STXBP4: variants seen among roughly 807,000 people sequenced by gnomAD.
STXBP4 encodes syntaxin binding protein 4, also known as syntaxin-binding protein 4.
In STXBP4, 55 loss-of-function variants were observed where a neutral mutation model predicts 76.1. That is an observed-to-expected ratio of 0.72 (90% confidence interval 0.58 to 0.91). STXBP4 has a LOEUF of 0.91. STXBP4 is among the 40% of genes least tolerant of loss of function. The pLI, the probability that STXBP4 is intolerant of heterozygous loss-of-function variation, is 0.00. For missense variants in STXBP4, 618 were observed against 636.9 expected (o/e 0.97, Z 0.32); for synonymous variants, 201 against 220.2 (o/e 0.91, Z 0.77).
At chr17:55,003,062 C>T (rs1436829305) in intron 7 of STXBP4, among the ~76,000 whole-genome samples, 1 of 152,054 alleles carries the variant, frequency 6.6e-6, no homozygotes, top group Non-Finnish European at 1.5e-5. Flanking sequence ...AGAAAAATTT[C>T]TTGGCAAAAG....
chr17:55,025,464 TAATAA>T (rs1339968046), intron 8 of STXBP4, among the ~76,000 whole-genome samples: 2 of 152,190 alleles, frequency 1.3e-5, no homozygotes, highest in African/African-American at 4.8e-5. Flanking sequence ...AATACCATGT[TAATAA>T]AATAAAGGAC....
intron 16 of STXBP4, among the ~76,000 whole-genome samples, chr17:55,092,849 G>C (rs2079433319): frequency 6.6e-6 from 1 of 152,144 alleles, no homozygotes; most frequent in Non-Finnish European, 1.5e-5. Context: ...GCTTAGACTT[G>C]ATATGGCGTC....
rs4048521 is a variant in STXBP4, at chr17:55,066,195, GTTGTTTTGTTTTGTT to G, written c.1012-6673_1012-6659del. Among the ~76,000 whole-genome samples the G allele has an allele frequency of 5.6e-3, 829 of 149,082 alleles. 6 individuals are homozygous for G. Among genetic ancestry groups the G allele is most frequent in the Middle Eastern group, 0.017 (5 of 294 alleles). On this transcript the variant is annotated intron_variant, in intron 12 of 17. Transcript: ENST00000376352. The stretch of plus-strand genomic sequence containing the variant: ...CTCATGATGGAAAATTGTGGGTTTT[GTTGTTTTGTTTTGTT>G]TTGTTTTGTTTTGTTTTGTTTTGTT...
the STXBP4 span, among the ~76,000 whole-genome samples, chr17:55,212,952 G>C: frequency 6.6e-6 from 1 of 152,136 alleles, no homozygotes; most frequent in Non-Finnish European, 1.5e-5. Context: ...CCCTAAGGAA[G>C]AGTGTAGGAT....
chr17:55,102,439 C>A (rs1277136221), intron 16 of STXBP4, among the ~76,000 whole-genome samples: 1 of 152,154 alleles, frequency 6.6e-6, no homozygotes. Flanking sequence ...ATCCATGTCT[C>A]AGCAAAGGGC....
Position 55,000,837 on chromosome 17 carries a change from G to A in STXBP4, c.528G>A (p.Gln176=), listed in dbSNP as rs556463389. Residue 176 remains glutamine, a synonymous_variant, in exon 7 of 18, where the codon CAG becomes CAA. Coordinates refer to ENST00000376352, the MANE Select transcript of STXBP4 (RefSeq NM_178509.6). ...EIKTGYNKTV[Q]IPITSENSTV... is the part of the protein sequence containing the mutation. ...AAACTGGATACAACAAAACAGTACA[G>A]ATTCCAATTACTTCAGAAAACAGTA... is the stretch of plus-strand genomic sequence containing the variant. 2 of 1,610,830 alleles carry A rather than the reference G, an allele frequency of 1.2e-6. No individual in the cohort carries two copies. Among genetic ancestry groups the A allele is most frequent in the East Asian group, 4.5e-5 (2 of 44,714 alleles).
At chr17:55,206,185 T>A in the STXBP4 span, among the ~76,000 whole-genome samples, 1 of 152,128 alleles carries the variant, frequency 6.6e-6, no homozygotes, top group Admixed American at 6.6e-5. Context: ...TTGTGAATTA[T>A]TACATATATA....
rs576172853 is a variant in STXBP4, at chr17:55,125,059, T to A, written c.1490-16251T>A. ...GGGGTGAGAGCTTTACCATAAGAAT[T>A]TTTAGAGGACAGAAACATTCAGTTT... On this transcript the variant is annotated intron_variant, in intron 16 of 17. Transcript: ENST00000376352. Among the ~76,000 whole-genome samples the A allele has an allele frequency of 3.9e-5, 6 of 152,282 alleles. No individual in the cohort carries two copies. The South Asian group carries it at 1.0e-3, about 26-fold the overall frequency.
rs551897479 is a variant in STXBP4, at chr17:55,009,741, G to T, written c.666+2144G>T. 5.3e-5 allele frequency among the ~76,000 whole-genome samples: 8 copies of T among 151,754 alleles called. No individual in the cohort carries two copies. In the South Asian group the frequency reaches 1.7e-3, roughly 32 times the overall value. On this transcript the variant is annotated intron_variant, in intron 8 of 17. Coordinates refer to ENST00000376352, the MANE Select transcript of STXBP4 (RefSeq NM_178509.6). ...TTTAGTAGAGCATTCTTTTTTTTCA[G>T]TTTGAAACTATATTTCTCTTAATAA... is the stretch of plus-strand genomic sequence containing the variant.
At chr17:55,191,826 C>G in the STXBP4 span, among the ~76,000 whole-genome samples, 1 of 152,158 alleles carries the variant, frequency 6.6e-6, no homozygotes, top group African/African-American at 2.4e-5. Context: ...AGCTTAAGAG[C>G]TCAGTCAAAC....
chr17:54,983,993 T>C (rs965759445), intron 1 of STXBP4, among the ~76,000 whole-genome samples: 22 of 152,342 alleles, frequency 1.4e-4, no homozygotes, highest in Middle Eastern at 3.4e-3. Flanking sequence ...GGACTTTTGC[T>C]ACTGACATTG....
At chr17:55,031,130 T>C in intron 8 of STXBP4, 38 bp from the exon 9 acceptor site, 1 of 1,491,496 alleles carries the variant, frequency 6.7e-7, no homozygotes, top group Non-Finnish European at 9.3e-7. Context: ...TCTTTGGAGA[T>C]TTGAAAAATT....
At chr17:55,001,737 A>G (rs976728928) in intron 7 of STXBP4, among the ~76,000 whole-genome samples, 1 of 152,100 alleles carries the variant, frequency 6.6e-6, no homozygotes, top group Non-Finnish European at 1.5e-5. Flanking sequence ...GGTTCACGCC[A>G]TTCTCCTGCC....
At chr17:55,042,926 A>G (rs866808271) in intron 10 of STXBP4, among the ~76,000 whole-genome samples, 1 of 152,164 alleles carries the variant, frequency 6.6e-6, no homozygotes, top group Non-Finnish European at 1.5e-5. Context: ...GTAATTCCTG[A>G]AGTCTTTTTG....
At chr17:55,139,023 G>T (rs540005748) in intron 16 of STXBP4, among the ~76,000 whole-genome samples, 1 of 152,116 alleles carries the variant, frequency 6.6e-6, no homozygotes, top group Non-Finnish European at 1.5e-5. Context: ...TATTTTCTCA[G>T]AACAGAGAAC....
intron 12 of STXBP4, among the ~76,000 whole-genome samples, chr17:55,061,770 A>G (rs930281243): frequency 1.3e-5 from 2 of 152,212 alleles, no homozygotes; most frequent in Non-Finnish European, 2.9e-5. Flanking sequence ...TTACTCAGCA[A>G]TAATTCCCTT....
At chr17:55,112,498 A>G (rs532474494) in intron 16 of STXBP4, among the ~76,000 whole-genome samples, 58 of 152,314 alleles carry the variant, frequency 3.8e-4, no homozygotes, top group Middle Eastern at 3.4e-3. Context: ...AAGAGAAACA[A>G]TGATGAAGAG....
At chr17:55,096,603 T>C (rs1283625001) in intron 16 of STXBP4, among the ~76,000 whole-genome samples, 1 of 151,904 alleles carries the variant, frequency 6.6e-6, no homozygotes, top group Non-Finnish European at 1.5e-5. Flanking sequence ...ATTGGAAACT[T>C]TCATATTGCT....
chr17:55,182,290 GGATACT>G, the STXBP4 span, among the ~76,000 whole-genome samples: 20 of 151,968 alleles, frequency 1.3e-4, no homozygotes, highest in African/African-American at 4.8e-4. Flanking sequence ...ACAGAAAAGG[GGATACT>G]TTAGAGCTAA....
Sources: allele counts gnomAD v4.1 joint callset (sites outside exome capture counted in the v4.1 genomes callset), GRCh38; gene constraint gnomAD v4.1.1; transcripts MANE v1.5; gene names NCBI Gene and HGNC (gene_info 2026-07-23, HGNC 2026-07-21).